Variants in LIMCH1 observed in about 807,000 individuals in gnomAD.
The protein encoded by LIMCH1 is LIM and calponin homology domains 1.
A neutral mutation model predicts 176.5 loss-of-function variants in LIMCH1; 113 were observed. The observed-to-expected ratio is 0.64, with a 90% CI of 0.55 to 0.75. The LOEUF is 0.75. Ranked by LOEUF, LIMCH1 falls within the 30% of genes least tolerant of loss-of-function variation. LIMCH1 has a pLI of 0.00. For synonymous variants in LIMCH1, 619 were observed against 645.9 expected, an observed-to-expected ratio of 0.96 and a Z score of 0.63; for missense variants, 1,674 against 1,814.9, an observed-to-expected ratio of 0.92 and a Z score of 1.41.
In LIMCH1 at chr4:41,538,316, C is replaced by A; in HGVS notation, c.-275C>A. On this transcript the variant is annotated 5_prime_UTR_variant, in exon 1 of 32. In the 5' UTR this introduces an upstream ATG that the reference lacks. Coordinates refer to ENST00000503057, the MANE Select transcript of LIMCH1 (RefSeq NM_001330672.2). ...CCTCCCATCTCCCAGAGTGGGTTGGCTGGAGTTCATTGCGGAGCATGAGGA... is the reference window on the plus strand; with the variant it reads ...CCTCCCATCTCCCAGAGTGGGTTGGATGGAGTTCATTGCGGAGCATGAGGA... The A allele has an allele frequency of 3.0e-6, 3 of 985,308 alleles. No individual in the cohort carries two copies. The highest frequency in any genetic ancestry group is 3.6e-6 in the Non-Finnish European group (3 of 829,936). 61.0% of individuals were successfully genotyped at this position (985,308 alleles called of 1,614,324 possible).
At chr4:41,497,525 C>G in intron 2 of LIMCH1, among the ~76,000 whole-genome samples, 1 of 152,186 alleles carries the variant, frequency 6.6e-6, no homozygotes, top group South Asian at 2.1e-4. Context: ...TAAGTTTGGC[C>G]GGGCACGGTG....
In LIMCH1 at chr4:41,487,912, A is replaced by G. The variant is rs556599700; in HGVS notation, c.97-6624A>G. Reference sequence around the variant, plus strand: ...CCTGATCTGCCCGCCTTGGCCTCCCAAAGTGCTTTTTTTTTTTTTCTATAG... The same window carrying G: ...CCTGATCTGCCCGCCTTGGCCTCCCGAAGTGCTTTTTTTTTTTTTCTATAG... On this transcript the variant is annotated intron_variant, in intron 1 of 26. Coordinates refer to the LIMCH1 transcript ENST00000313860. Among the ~76,000 whole-genome samples the G allele has an allele frequency of 1.1e-3, 157 of 136,764 alleles. 1 individual carries two copies. Among genetic ancestry groups the G allele is most frequent in the African/African-American group, 4.2e-3 (152 of 35,796 alleles). 89.7% of individuals were successfully genotyped at this position (136,764 alleles called of 152,430 possible).
chr4:41,680,294 G>C (rs796865741), intron 24 of LIMCH1, among the ~76,000 whole-genome samples, 196 bp downstream of exon 24: 21 of 152,194 alleles, frequency 1.4e-4, no homozygotes, highest in Non-Finnish European at 1.5e-5. Flanking sequence ...AATACAGTTC[G>C]TGATAAGGGT....
intron 1 of LIMCH1, among the ~76,000 whole-genome samples, chr4:41,579,413 G>T (rs1252604252): frequency 6.6e-6 from 1 of 152,168 alleles, no homozygotes; most frequent in Non-Finnish European, 1.5e-5. Context: ...ACAATAGCTT[G>T]TTGCACCCTT....
Position 41,360,901 on chromosome 4 carries a change from G to C in LIMCH1, c.61G>C (p.Glu21Gln). 3 of 1,588,582 alleles carry C rather than the reference G, an allele frequency of 1.9e-6. No individual in the cohort carries two copies. Among genetic ancestry groups the C allele is most frequent in the South Asian group, 1.2e-5 (1 of 86,792 alleles). Residue 21 changes from glutamate (E) to glutamine (Q), a missense_variant, in exon 1 of 27, where the codon GAG (glutamate) becomes CAG (glutamine). Coordinates refer to the LIMCH1 transcript ENST00000313860. The surrounding 1 kb of genome is among the most constrained non-coding windows in gnomAD (Gnocchi z 4.5). ...GCCCCTGCAGCCCGAGCCGCCCCCC[G>C]AGCCCGCCTTCTCCGAGGCGCAGAA...
Position 41,633,533 on chromosome 4 carries a change from T to G in LIMCH1, c.1830-15T>G, listed in dbSNP as rs1429230456. Reference sequence around the variant, plus strand: ...GTAAGTGGCCTTTGACTGGCTGGACTGAATGTTGCCCTAGGGTGTGTCCTC... The same window carrying G: ...GTAAGTGGCCTTTGACTGGCTGGACGGAATGTTGCCCTAGGGTGTGTCCTC... On this transcript the variant is annotated splice_polypyrimidine_tract_variant and intron_variant, in intron 12 of 31. Coordinates refer to ENST00000503057, the MANE Select transcript of LIMCH1 (RefSeq NM_001330672.2). The G allele has an allele frequency of 2.2e-5, 33 of 1,533,880 alleles. No individual in the cohort carries two copies. In the South Asian group the frequency reaches 3.5e-4, roughly 16 times the overall value.
At chr4:41,612,633 T>G (rs974576558) in intron 4 of LIMCH1, 2 of 702,600 alleles carry the variant, frequency 2.8e-6, no homozygotes, top group Admixed American at 4.0e-5. Context: ...ACCTTTCTTC[T>G]GCTGGAGTTT....
At position 41,665,467 on chromosome 4, in the gene LIMCH1, A is replaced by T. The variant is rs151335525; in HGVS notation, c.3292-1094A>T. Among the ~76,000 whole-genome samples, 398 of 152,304 alleles carry T rather than the reference A, an allele frequency of 2.6e-3. 1 individual carries two copies. Among genetic ancestry groups the T allele is most frequent in the Non-Finnish European group, 4.2e-3 (284 of 68,034 alleles). Reference sequence around the variant, plus strand: ...AATGAGGTGATTAGTTTTCTTTAAGATTCTCTTAGAGTTGAATATATTATT... The same window carrying T: ...AATGAGGTGATTAGTTTTCTTTAAGTTTCTCTTAGAGTTGAATATATTATT... On this transcript the variant is annotated intron_variant, in intron 20 of 31. Transcript: ENST00000503057.
At chr4:41,497,983 T>G (rs2072519170) in intron 2 of LIMCH1, among the ~76,000 whole-genome samples, 1 of 151,998 alleles carries the variant, frequency 6.6e-6, no homozygotes, top group Non-Finnish European at 1.5e-5. Context: ...GTGCAGAGGG[T>G]GAACCACTGA....
chr4:41,585,644 A>G (rs183042010), intron 1 of LIMCH1, among the ~76,000 whole-genome samples: 7 of 152,318 alleles, frequency 4.6e-5, no homozygotes, highest in Admixed American at 4.6e-4. Flanking sequence ...ACCATTTTAC[A>G]TTCTCACCAG....
At chr4:41,422,403 G>A (rs756587926) in intron 1 of LIMCH1, among the ~76,000 whole-genome samples, 18 of 152,042 alleles carry the variant, frequency 1.2e-4, no homozygotes, top group Non-Finnish European at 2.4e-4. Context: ...GCCCAGGCTG[G>A]TCTTGAGCTT....
chr4:41,469,665 G>T (rs1373719385), intron 1 of LIMCH1, among the ~76,000 whole-genome samples: 2 of 148,360 alleles, frequency 1.3e-5, no homozygotes, highest in African/African-American at 5.0e-5. Context: ...CTTGTTTTGA[G>T]ATTTATTTAT....
intron 1 of LIMCH1, among the ~76,000 whole-genome samples, chr4:41,489,160 C>T (rs986213577): frequency 2.6e-5 from 4 of 152,046 alleles, no homozygotes; most frequent in Non-Finnish European, 4.4e-5. Context: ...TTTCTGCCTT[C>T]TTTCTTTTTT....
chr4:41,383,834 C>T (rs2056082392), intron 1 of LIMCH1, among the ~76,000 whole-genome samples: 1 of 152,106 alleles, frequency 6.6e-6, no homozygotes, highest in Admixed American at 6.6e-5. Flanking sequence ...TCTGTGAACA[C>T]TGTGAAGAAT....
intron 2 of LIMCH1, among the ~76,000 whole-genome samples, chr4:41,506,165 A>C (rs1328477955): frequency 6.6e-6 from 1 of 152,228 alleles, no homozygotes; most frequent in Non-Finnish European, 1.5e-5. Flanking sequence ...ATAAGTGACC[A>C]ATAAAGAATG....
chr4:41,606,417 T>C (rs772841718), intron 4 of LIMCH1, among the ~76,000 whole-genome samples: 13 of 152,188 alleles, frequency 8.5e-5, no homozygotes, highest in Non-Finnish European at 1.9e-4. Flanking sequence ...GGGGCCTTGA[T>C]GTGGGTGAGG....
At chr4:41,402,191 G>C (rs1409316778) in intron 1 of LIMCH1, among the ~76,000 whole-genome samples, 2 of 152,094 alleles carry the variant, frequency 1.3e-5, no homozygotes, top group African/African-American at 4.8e-5. Flanking sequence ...CTTCTCAAAA[G>C]AAGACATTTA....
rs945459002 is a variant in LIMCH1, at chr4:41,613,534, C to T, written c.78C>T (p.Ser26=). 27 of 1,613,968 alleles carry T rather than the reference C, an allele frequency of 1.7e-5. No individual in the cohort carries two copies. The highest frequency in any genetic ancestry group is 2.1e-5 in the Non-Finnish European group (25 of 1,179,958). ...GTGGCTACATCGACTGCTGGGATTC[C>T]GAGCGCAGCGACTCCCTCTCTCCTC... ...RDSGYIDCWD[S]ERSDSLSPPR... The change falls in exon 5 of 32, where the codon TCC becomes TCT. Residue 26 remains serine (S), a synonymous_variant. Transcript: ENST00000503057.
chr4:41,416,152 A>G (rs564421077), intron 1 of LIMCH1, among the ~76,000 whole-genome samples: 77 of 152,238 alleles, frequency 5.1e-4, no homozygotes, highest in Non-Finnish European at 7.8e-4. Context: ...GTTTTGGGCA[A>G]TTTATTTACT....
Sources: gnomAD v4.1 joint callset for allele counts (sites outside exome capture counted in the v4.1 genomes callset) on GRCh38, gnomAD v4.1.1 for gene constraint, Gnocchi (gnomAD v3.1) non-coding constraint, MANE v1.5 for transcripts, NCBI Gene and HGNC (gene_info 2026-07-23, HGNC 2026-07-21) for gene names.